The following GRK3 variants were observed in gnomAD, a reference collection of about 807,000 sequenced individuals.
GRK3 encodes the protein adrenergic, beta, receptor kinase 2.
In GRK3, 54 loss-of-function variants were observed where a neutral mutation model predicts 95.7. That is an observed-to-expected ratio of 0.56 (90% confidence interval 0.45 to 0.71). The LOEUF (loss-of-function observed/expected upper bound fraction) is 0.71. Ranked by LOEUF, GRK3 falls within the 30% of genes least tolerant of loss-of-function variation. The probability of loss-of-function intolerance (pLI) is 0.00; values close to 1 mark genes in which losing one functional copy is unlikely to be tolerated. For missense variants in GRK3, 649 were observed against 851.2 expected (o/e 0.76, Z 2.96); for synonymous variants, 281 against 290.8 (o/e 0.97, Z 0.34).
rs1377122171 is a variant in GRK3 at position 25,699,697 on chromosome 22, T to TC, written c.1161-3813_1161-3812insC. 6.0e-5 allele frequency among the ~76,000 whole-genome samples: 9 copies of TC among 149,748 alleles called. No individual in the cohort carries two copies. The East Asian group carries it at 1.2e-3, about 19-fold the overall frequency. Reference sequence around the variant, plus strand: ...CTATTTTCTTTTCTTTTCTTTTCTTTTCTTTTTTTTTTTTTTTTTGAGACG... The same window carrying TC: ...CTATTTTCTTTTCTTTTCTTTTCTTTCTCTTTTTTTTTTTTTTTTTGAGACG... On this transcript the variant is annotated intron_variant, in intron 13 of 20. Coordinates refer to ENST00000324198, the MANE Select transcript of GRK3 (RefSeq NM_005160.4).
intron 2 of GRK3, among the ~76,000 whole-genome samples, chr22:25,605,388 T>C (rs574948870): frequency 4.7e-4 from 72 of 152,348 alleles, no homozygotes; most frequent in African/African-American, 1.7e-3. Flanking sequence ...TTCTCATTAC[T>C]TTCATGGTGT....
chr22:25,646,564 T>A (rs1453935726), intron 3 of GRK3, among the ~76,000 whole-genome samples: 1 of 152,128 alleles, frequency 6.6e-6, no homozygotes, highest in African/African-American at 2.4e-5. Context: ...TGAATACATA[T>A]GAAACACACC....
chr22:25,683,291 A>G (rs1475068883), intron 9 of GRK3, among the ~76,000 whole-genome samples: 1 of 152,200 alleles, frequency 6.6e-6, no homozygotes, highest in Non-Finnish European at 1.5e-5. Context: ...CATTGGGGTT[A>G]TTTCCTGGCT....
chr22:25,628,294 T>C (rs2084641543), intron 2 of GRK3, among the ~76,000 whole-genome samples: 1 of 152,224 alleles, frequency 6.6e-6, no homozygotes, highest in Non-Finnish European at 1.5e-5. Context: ...AGTGTGGCCA[T>C]GTCTATTGAA....
intron 15 of GRK3, among the ~76,000 whole-genome samples, chr22:25,706,685 C>G (rs1032320536): frequency 6.6e-6 from 1 of 152,132 alleles, no homozygotes; most frequent in Non-Finnish European, 1.5e-5. Context: ...TGTGCACCAC[C>G]ACGCCCAGCT....
At chr22:25,598,115 G>A (rs1280052469) in intron 1 of GRK3, among the ~76,000 whole-genome samples, 1 of 152,162 alleles carries the variant, frequency 6.6e-6, no homozygotes, top group Non-Finnish European at 1.5e-5. Flanking sequence ...TATATTATGA[G>A]ATTTAGAACA....
chr22:25,672,185 T>C (rs937198153), intron 6 of GRK3, 111 bp from the exon 7 acceptor site: 2 of 571,182 alleles, frequency 3.5e-6, no homozygotes, highest in Admixed American at 7.4e-5. Context: ...AACTTAACTT[T>C]ATTTGACAAG....
chr22:25,704,085 A>G, intron 14 of GRK3, 24 bp from the exon 15 acceptor site: 5 of 1,580,098 alleles, frequency 3.2e-6, no homozygotes, highest in Non-Finnish European at 4.3e-6. Flanking sequence ...CGGATTTTTG[A>G]AATCTTACTC....
intron 1 of GRK3, among the ~76,000 whole-genome samples, chr22:25,569,619 G>A (rs1569147405): frequency 6.6e-6 from 1 of 152,208 alleles, no homozygotes; most frequent in Non-Finnish European, 1.5e-5. Flanking sequence ...GCTTGAGGAA[G>A]GGAAGCACAG....
At chr22:25,630,298 G>A (rs113492294) in intron 2 of GRK3, among the ~76,000 whole-genome samples, 25 of 152,244 alleles carry the variant, frequency 1.6e-4, no homozygotes, top group African/African-American at 5.5e-4. Context: ...CATAATGCCA[G>A]CTTTAATATT....
intron 8 of GRK3, among the ~76,000 whole-genome samples, chr22:25,676,690 C>CA (rs34695269): frequency 0.22 from 26,575 of 122,940 alleles, 5,803 homozygotes; most frequent in African/African-American, 0.56. Flanking sequence ...GACTCAGTCT[C>CA]AAAAAAAAAA....
intron 3 of GRK3, among the ~76,000 whole-genome samples, chr22:25,651,182 G>T (rs1454910380): frequency 6.6e-6 from 1 of 152,162 alleles, no homozygotes; most frequent in African/African-American, 2.4e-5. Context: ...TTGAATAGCA[G>T]CATTAGTGGT....
intron 2 of GRK3, among the ~76,000 whole-genome samples, chr22:25,631,338 T>TAA (rs2084662930): frequency 3.3e-5 from 5 of 152,230 alleles, no homozygotes; most frequent in Non-Finnish European, 7.3e-5. Context: ...TAGTCCACAC[T>TAA]TATGTGTGTG....
chr22:25,572,571 G>T (rs1397768806), intron 1 of GRK3, among the ~76,000 whole-genome samples: 1 of 152,024 alleles, frequency 6.6e-6, no homozygotes, highest in Non-Finnish European at 1.5e-5. Context: ...GTATCTCATC[G>T]CACTCACACT....
At chr22:25,592,144 C>G (rs1932512719) in intron 1 of GRK3, among the ~76,000 whole-genome samples, 1 of 152,206 alleles carries the variant, frequency 6.6e-6, no homozygotes, top group South Asian at 2.1e-4. Flanking sequence ...TCCCTCCCAA[C>G]ATTTAGTATG....
rs909805388 is a variant in GRK3 at position 25,647,814 on chromosome 22, A to G, written c.264+3149A>G. 1.2e-5 allele frequency: 10 copies of G among 862,338 alleles called. No individual in the cohort carries two copies. The East Asian group carries it at 2.5e-4, about 22-fold the overall frequency. 53.4% of individuals were successfully genotyped at this position (862,338 alleles called of 1,614,324 possible). On this transcript the variant is annotated intron_variant, in intron 3 of 20. Transcript: ENST00000324198. ...GAAATTAATGAGGTATTTTCTTAGG[A>G]AGAGAGAGTGAAATGGCTGGGTGCA...
intron 7 of GRK3, among the ~76,000 whole-genome samples, chr22:25,673,611 A>T (rs1569188739): frequency 6.6e-6 from 1 of 152,000 alleles, no homozygotes; most frequent in Non-Finnish European, 1.5e-5. Context: ...GCCCAAACGC[A>T]GGTTTCTATA....
At chr22:25,577,886 C>T (rs899267317) in intron 1 of GRK3, among the ~76,000 whole-genome samples, 2 of 152,214 alleles carry the variant, frequency 1.3e-5, no homozygotes, top group South Asian at 2.1e-4. Context: ...GTCTACTCTA[C>T]GTAGAGCTGC....
At position 25,605,319 on chromosome 22, in the gene GRK3, T is replaced by C. The variant is rs538040703; in HGVS notation, c.190+866T>C. 3.3e-5 allele frequency among the ~76,000 whole-genome samples: 5 copies of C among 152,246 alleles called. No individual in the cohort carries two copies. In the East Asian group the frequency reaches 7.7e-4, roughly 24 times the overall value. ...GATATTTCATCCTGCTCCTCAGGAG[T>C]TGGTTGGGGAACAGATAAGTTAAAA... On this transcript the variant is annotated intron_variant, in intron 2 of 20. Transcript: ENST00000324198.
Sources: gnomAD v4.1 joint callset for allele counts (sites outside exome capture counted in the v4.1 genomes callset) on GRCh38, gnomAD v4.1.1 for gene constraint, MANE v1.5 for transcripts, NCBI Gene and HGNC (gene_info 2026-07-23, HGNC 2026-07-21) for gene names.